Variants in SHB observed in about 807,000 individuals in gnomAD.
SHB encodes the protein SH2 domain containing adaptor protein B.
SHB carries 20 observed loss-of-function variants against 52.3 expected under a neutral mutation model. That is an observed-to-expected ratio of 0.38 (90% CI 0.27 to 0.56). The LOEUF (loss-of-function observed/expected upper bound fraction) is 0.56. Ranked by LOEUF, SHB falls within the 20% of genes least tolerant of loss-of-function variation. SHB has a pLI of 0.71. For synonymous variants in SHB, 397 were observed against 316.5 expected, an observed-to-expected ratio of 1.25 and a Z score of -2.70; for missense variants, 825 against 723.3, an observed-to-expected ratio of 1.14 and a Z score of -1.61.
Position 38,066,854 on chromosome 9 carries a change from A to G in SHB, c.717+1075T>C, listed in dbSNP as rs545031742. On this transcript the variant is annotated intron_variant, in intron 1 of 5. Transcript: ENST00000377707. ...CTAAAAGGAACTCAGACTCTTAATC[A>G]GTCTCCCCCAGCCCAGGCCTGGGCA... Among the ~76,000 whole-genome samples the G allele has an allele frequency of 2.6e-5, 4 of 152,252 alleles. No homozygotes were observed. The East Asian group carries it at 7.7e-4, about 29-fold the overall frequency.
chr9:37,952,548 C>T (rs1832577957), intron 4 of SHB, among the ~76,000 whole-genome samples: 1 of 152,132 alleles, frequency 6.6e-6, no homozygotes, highest in African/African-American at 2.4e-5. Context: ...GGAAATCTTA[C>T]AGACAGTCAG....
chr9:37,998,001 C>T (rs538071771), intron 2 of SHB, among the ~76,000 whole-genome samples: 4 of 152,356 alleles, frequency 2.6e-5, no homozygotes, highest in Admixed American at 6.5e-5. Context: ...TGTGTCCAAC[C>T]GAGCAAGCAG....
chr9:38,061,312 A>G (rs1821888675), intron 1 of SHB, among the ~76,000 whole-genome samples: 1 of 135,050 alleles, frequency 7.4e-6, no homozygotes, highest in Admixed American at 7.3e-5. Context: ...ATCCTGTCTC[A>G]AAAAAAAAAA....
At chr9:38,033,508 A>C (rs1366111960) in intron 1 of SHB, among the ~76,000 whole-genome samples, 1 of 152,152 alleles carries the variant, frequency 6.6e-6, no homozygotes, top group East Asian at 1.9e-4. Flanking sequence ...ATATAGGGAG[A>C]CCCTGCCTCC....
intron 2 of SHB, among the ~76,000 whole-genome samples, chr9:38,014,790 A>C (rs897028786): frequency 2.4e-4 from 36 of 152,202 alleles, no homozygotes; most frequent in African/African-American, 8.2e-4. Flanking sequence ...GCAAAGGCAG[A>C]GCCTAGAAGG....
At chr9:38,003,191 G>C (rs1481971604) in intron 2 of SHB, among the ~76,000 whole-genome samples, 1 of 152,070 alleles carries the variant, frequency 6.6e-6, no homozygotes, top group African/African-American at 2.4e-5. Flanking sequence ...AGAGTGAGAA[G>C]GGGGCAGGGA....
chr9:38,003,737 A>C (rs1821046671), intron 2 of SHB, among the ~76,000 whole-genome samples: 1 of 152,192 alleles, frequency 6.6e-6, no homozygotes, highest in African/African-American at 2.4e-5. Flanking sequence ...TGCCCACTGG[A>C]GCAGGCCACT....
At chr9:38,011,337 C>T (rs1176357656) in intron 2 of SHB, among the ~76,000 whole-genome samples, 3 of 152,094 alleles carry the variant, frequency 2.0e-5, no homozygotes, top group Non-Finnish European at 2.9e-5. Flanking sequence ...AACTGAGGCC[C>T]AGATGGGCAG....
At position 38,068,439 on chromosome 9, in the gene SHB, C is replaced by G. The variant is rs1360862326; in HGVS notation, c.207G>C (p.Ser69=). The G allele has an allele frequency of 6.5e-6, 10 of 1,549,294 alleles. No individual in the cohort carries two copies. Among genetic ancestry groups the G allele is most frequent in the South Asian group, 1.2e-5 (1 of 83,962 alleles). ...TGGTGCTGCCGCTGTCGTCGGGCAGCGAGCCCGAAGAGGCTGAGAAGCAGG... is the reference window on the plus strand; with the variant it reads ...TGGTGCTGCCGCTGTCGTCGGGCAGGGAGCCCGAAGAGGCTGAGAAGCAGG... ...TASCFSASSG[S]LPDDSGSTSD... The change falls in exon 1 of 6, where the codon TCG becomes TCC. Residue 69 remains serine (S), a synonymous_variant. Coordinates refer to ENST00000377707, the MANE Select transcript of SHB (RefSeq NM_003028.3).
chr9:38,002,563 C>T (rs111313379), intron 2 of SHB, among the ~76,000 whole-genome samples: 230 of 152,294 alleles, frequency 1.5e-3, no homozygotes, highest in African/African-American at 5.3e-3. Flanking sequence ...TCAGCTCAGG[C>T]CACCATTCAG....
chr9:38,016,045 G>A lies in SHB; in HGVS notation c.804C>T (p.Tyr268=), dbSNP rs115292122. 1,760 of 1,614,132 alleles carry A rather than the reference G, an allele frequency of 1.1e-3. 18 individuals carry two copies. The African/African-American group carries it at 0.022, about 20-fold the overall frequency. ...SKAGKGESAG[Y]MEPYEAQRIM... ...TCCTCTGTGCCTCATAGGGCTCCAT[G>A]TAGCCAGCACTCTCCCCCTTTCCTG... Residue 268 remains tyrosine (Y), a synonymous_variant, in exon 2 of 6, where the codon TAC becomes TAT. Transcript: ENST00000377707.
At chr9:38,058,411 T>C (rs1821847363) in intron 1 of SHB, among the ~76,000 whole-genome samples, 1 of 152,200 alleles carries the variant, frequency 6.6e-6, no homozygotes, top group African/African-American at 2.4e-5. Context: ...ATCCTGGCTC[T>C]TCTCCCTCAT....
At chr9:37,937,249 T>C (rs979282762) in intron 5 of SHB, among the ~76,000 whole-genome samples, 2 of 152,214 alleles carry the variant, frequency 1.3e-5, no homozygotes, top group African/African-American at 4.8e-5. Context: ...CTGACTTGTC[T>C]ATAAGCTCCG....
chr9:37,973,022 ATTGT>A (rs1436078798), intron 3 of SHB, among the ~76,000 whole-genome samples: 1 of 152,186 alleles, frequency 6.6e-6, no homozygotes, highest in Non-Finnish European at 1.5e-5. Context: ...ATACCTAAAC[ATTGT>A]TTGGCATCTG....
intron 1 of SHB, among the ~76,000 whole-genome samples, chr9:38,066,721 C>G (rs1290316860): frequency 6.6e-6 from 1 of 152,132 alleles, no homozygotes; most frequent in Non-Finnish European, 1.5e-5. Context: ...GGCAGAAAAA[C>G]TAGAGGGACA....
intron 1 of SHB, among the ~76,000 whole-genome samples, chr9:38,050,922 T>TTCAC (rs777864131): frequency 2.0e-5 from 3 of 152,122 alleles, no homozygotes; most frequent in Non-Finnish European, 2.9e-5. Flanking sequence ...AGAACGTGCC[T>TTCAC]TCACTCCTCA....
At chr9:38,064,947 ACCT>A (rs1011458931) in intron 1 of SHB, among the ~76,000 whole-genome samples, 29 of 151,862 alleles carry the variant, frequency 1.9e-4, no homozygotes, top group African/African-American at 7.0e-4. Flanking sequence ...ACACAGAGAG[ACCT>A]CCTCTCTACA....
rs117243121 is a variant in SHB at position 37,928,473 on chromosome 9, C to T, written c.1347-8469G>A. On this transcript the variant is annotated intron_variant, in intron 5 of 5. Coordinates refer to ENST00000377707, the MANE Select transcript of SHB (RefSeq NM_003028.3). ...CACTCCCTCTTCCCTGGGGAATACT[C>T]GCAATGTCTTGGTACATAGGTGCTA... is the stretch of plus-strand genomic sequence containing the variant. Among the ~76,000 whole-genome samples the T allele has an allele frequency of 4.0e-4, 61 of 152,334 alleles. No homozygotes were observed. In the East Asian group the frequency reaches 0.012, roughly 29 times the overall value.
At chr9:38,062,106 A>G (rs1354184418) in intron 1 of SHB, among the ~76,000 whole-genome samples, 1 of 152,214 alleles carries the variant, frequency 6.6e-6, no homozygotes, top group African/African-American at 2.4e-5. Context: ...GCATTAAGTA[A>G]AGGGGAGGAG....
Sources: allele counts gnomAD v4.1 joint callset (sites outside exome capture counted in the v4.1 genomes callset), GRCh38; gene constraint gnomAD v4.1.1; transcripts MANE v1.5; gene names NCBI Gene and HGNC (gene_info 2026-07-23, HGNC 2026-07-21).